Variants in ADCY2 observed in about 807,000 individuals in gnomAD.
ADCY2 encodes the protein adenylate cyclase 2.
ADCY2 carries 31 observed loss-of-function variants against 125.2 expected under a neutral mutation model. The observed-to-expected ratio is 0.25, with a 90% CI of 0.19 to 0.33. The LOEUF (loss-of-function observed/expected upper bound fraction) is 0.33, where lower values mean the gene tolerates loss of function less well. Ranked by LOEUF, ADCY2 falls within the 10% of genes least tolerant of loss-of-function variation. ADCY2 has a pLI of 1.00. For missense variants in ADCY2, 904 were observed against 1,418.2 expected, an observed-to-expected ratio of 0.64 and a Z score of 5.82; for synonymous variants, 512 against 548.4, an observed-to-expected ratio of 0.93 and a Z score of 0.93.
At chr5:7,416,438 C>T (rs776585846) in intron 2 of ADCY2, among the ~76,000 whole-genome samples, 2 of 152,176 alleles carry the variant, frequency 1.3e-5, no homozygotes, top group Middle Eastern at 3.2e-3. Flanking sequence ...CCTTCACTCT[C>T]TGTGCTCCTG....
chr5:7,716,086 G>A (rs1204611557), intron 11 of ADCY2, among the ~76,000 whole-genome samples: 1 of 152,166 alleles, frequency 6.6e-6, no homozygotes, highest in African/African-American at 2.4e-5. Context: ...CATGCAAATT[G>A]TCAAATTAAC....
At position 7,598,804 on chromosome 5, in the gene ADCY2, G is replaced by A. The variant is rs117065956; in HGVS notation, c.571-27363G>A. ...CCACTGCATCGTCTCCCCTCTGACAGTGATTGTGGACACCTGCATTGAGAT... is the reference window on the plus strand; with the variant it reads ...CCACTGCATCGTCTCCCCTCTGACAATGATTGTGGACACCTGCATTGAGAT... On this transcript the variant is annotated intron_variant, in intron 3 of 24. Transcript: ENST00000338316. Among the ~76,000 whole-genome samples the A allele has an allele frequency of 7.4e-4, 112 of 152,322 alleles. 1 individual carries two copies. The East Asian group carries it at 0.021, about 29-fold the overall frequency.
intron 2 of ADCY2, among the ~76,000 whole-genome samples, chr5:7,434,450 G>C (rs1365141449): frequency 6.6e-6 from 1 of 152,166 alleles, no homozygotes; most frequent in Admixed American, 6.5e-5. Flanking sequence ...TCACTGACTT[G>C]CATTCCAAGC....
At chr5:7,654,098 G>A in intron 4 of ADCY2, 1 of 456,264 alleles carries the variant, frequency 2.2e-6, no homozygotes, top group South Asian at 1.5e-5. Context: ...GCTGGGCGCA[G>A]TCACCACGGG....
At chr5:7,592,296 G>T (rs1390575648) in intron 3 of ADCY2, among the ~76,000 whole-genome samples, 2 of 152,062 alleles carry the variant, frequency 1.3e-5, no homozygotes, top group African/African-American at 4.8e-5. Flanking sequence ...TTTTCTTTCA[G>T]ATGGAAGCTG....
intron 4 of ADCY2, among the ~76,000 whole-genome samples, chr5:7,643,996 A>G (rs749531488): frequency 7.9e-5 from 12 of 152,098 alleles, no homozygotes; most frequent in East Asian, 3.9e-4. Flanking sequence ...AATGGCTCCA[A>G]TAATGCATGT....
chr5:7,725,596 T>G (rs1741907078), intron 13 of ADCY2, among the ~76,000 whole-genome samples: 1 of 152,194 alleles, frequency 6.6e-6, no homozygotes, highest in African/African-American at 2.4e-5. Context: ...TTATACTTAA[T>G]AACTTTAGCA....
chr5:7,592,831 T>A (rs528378968), intron 3 of ADCY2, among the ~76,000 whole-genome samples: 7 of 152,140 alleles, frequency 4.6e-5, no homozygotes, highest in Non-Finnish European at 1.0e-4. Context: ...TTTAACTGTG[T>A]AGAACATGAA....
intron 20 of ADCY2, chr5:7,793,809 C>G (rs370423576): frequency 2.0e-5 from 3 of 152,362 alleles, no homozygotes; most frequent in East Asian, 3.9e-4. Context: ...TGCAGATGAT[C>G]AGTGCCTGTT....
chr5:7,690,531 C>A, intron 4 of ADCY2, 160 bp from the exon 5 acceptor site: 1 of 505,736 alleles, frequency 2.0e-6, no homozygotes. Context: ...TAGAAAATCT[C>A]TTTTTATTCC....
intron 3 of ADCY2, among the ~76,000 whole-genome samples, chr5:7,523,113 T>A (rs2126535791): frequency 6.6e-6 from 1 of 152,232 alleles, no homozygotes; most frequent in African/African-American, 2.4e-5. Context: ...AAATGAAGTA[T>A]CTGCTGGTGC....
At chr5:7,535,337 A>G (rs1242753512) in intron 3 of ADCY2, among the ~76,000 whole-genome samples, 2 of 152,220 alleles carry the variant, frequency 1.3e-5, no homozygotes, top group African/African-American at 4.8e-5. Context: ...TTTTATTTGC[A>G]GTGAGTACAC....
intron 4 of ADCY2, among the ~76,000 whole-genome samples, chr5:7,688,194 C>T (rs1374689773): frequency 6.6e-6 from 1 of 152,132 alleles, no homozygotes; most frequent in African/African-American, 2.4e-5. Flanking sequence ...CTCAAAGCCA[C>T]ATGCCTCCCT....
chr5:7,500,366 G>T (rs1743515939), intron 2 of ADCY2, among the ~76,000 whole-genome samples: 2 of 152,168 alleles, frequency 1.3e-5, no homozygotes, highest in African/African-American at 4.8e-5. Flanking sequence ...GGGCTTCACA[G>T]GGTAACTTAC....
At chr5:7,679,945 G>A (rs1740274458) in intron 4 of ADCY2, among the ~76,000 whole-genome samples, 2 of 152,156 alleles carry the variant, frequency 1.3e-5, no homozygotes, top group South Asian at 2.1e-4. Flanking sequence ...CATGTGAGAA[G>A]TGATGGTGTA....
At chr5:7,759,748 G>A (rs1743134463) in intron 16 of ADCY2, among the ~76,000 whole-genome samples, 1 of 152,216 alleles carries the variant, frequency 6.6e-6, no homozygotes, top group Non-Finnish European at 1.5e-5. Context: ...GAGGGAAAAT[G>A]TGCCATGTCT....
chr5:7,825,110 G>A (rs1745425283), intron 24 of ADCY2, among the ~76,000 whole-genome samples: 1 of 151,826 alleles, frequency 6.6e-6, no homozygotes, highest in African/African-American at 2.4e-5. Flanking sequence ...CCACAACACT[G>A]CTATGTGCCA....
intron 2 of ADCY2, among the ~76,000 whole-genome samples, chr5:7,488,616 C>G (rs1743033548): frequency 6.6e-6 from 1 of 152,136 alleles, no homozygotes; most frequent in African/African-American, 2.4e-5. Flanking sequence ...TTTCTTTTGT[C>G]TGCTCATTTT....
chr5:7,519,059 G>C (rs1744350908), intron 2 of ADCY2, among the ~76,000 whole-genome samples: 1 of 152,172 alleles, frequency 6.6e-6, no homozygotes, highest in Non-Finnish European at 1.5e-5. Context: ...ATCGAAGAGT[G>C]CCTCTTCAGG....
Sources: gnomAD v4.1 joint callset for allele counts (sites outside exome capture counted in the v4.1 genomes callset) on GRCh38, gnomAD v4.1.1 for gene constraint, MANE v1.5 for transcripts, NCBI Gene and HGNC (gene_info 2026-07-23, HGNC 2026-07-21) for gene names.